The following DIP2C variants were observed in gnomAD, a reference collection of about 807,000 sequenced individuals.
DIP2C encodes disco-interacting protein 2 homolog C.
DIP2C carries 33 observed loss-of-function variants against 192.4 expected under a neutral mutation model. The ratio of observed to expected loss-of-function variants is 0.17; its 90% CI spans 0.13 to 0.23. The LOEUF (loss-of-function observed/expected upper bound fraction) is 0.23, where lower values mean the gene tolerates loss of function less well. Among genes scored for constraint, DIP2C ranks in the 10% least tolerant of loss-of-function variants. DIP2C has a pLI of 1.00. For synonymous variants in DIP2C, 979 were observed against 864.1 expected, an observed-to-expected ratio of 1.13 and a Z score of -2.33; for missense variants, 1,537 against 2,110.1, an observed-to-expected ratio of 0.73 and a Z score of 5.32.
chr10:417,319 A>C (rs78950727), intron 6 of DIP2C, among the ~76,000 whole-genome samples: 1,636 of 152,322 alleles, frequency 0.011, 19 homozygotes, highest in African/African-American at 0.028. Flanking sequence ...ACGCCGAGAC[A>C]GCACAACACA....
rs184034904 is a variant in DIP2C at position 408,163 on chromosome 10, G to A, written c.1149+763C>T. Among the ~76,000 whole-genome samples the A allele has an allele frequency of 1.2e-3, 180 of 152,238 alleles. 1 individual carries two copies. The highest frequency in any genetic ancestry group is 2.4e-3 in the Admixed American group (36 of 15,290). On this transcript the variant is annotated intron_variant, in intron 9 of 36. Transcript: ENST00000280886. ...CATCCGCCTTCATTCTCTTGCAGGT[G>A]GATGTCCAGTTTTCCCAGCACTGTG...
At chr10:367,909 C>G (rs1399977362) in intron 18 of DIP2C, among the ~76,000 whole-genome samples, 2 of 151,878 alleles carry the variant, frequency 1.3e-5, no homozygotes, top group African/African-American at 4.9e-5. Flanking sequence ...CCCCAGGTGC[C>G]TCCGACGGGG....
At chr10:296,592 T>C (rs1052288973) in intron 32 of DIP2C, among the ~76,000 whole-genome samples, 2 of 152,154 alleles carry the variant, frequency 1.3e-5, no homozygotes, top group African/African-American at 4.8e-5. Flanking sequence ...TCCACACGTA[T>C]GTTCATTGCG....
At chr10:371,144 ACCATCCCCTCACCCTGCACCATC>A in intron 17 of DIP2C, among the ~76,000 whole-genome samples, 1 of 51,348 alleles carries the variant, frequency 1.9e-5, no homozygotes, top group Non-Finnish European at 6.7e-5. Context: ...TGGTCCTGCC[ACCATCCCCTCACCCTGCACCATC>A]CCCTCACCCT....
intron 1 of DIP2C, among the ~76,000 whole-genome samples, chr10:546,630 G>A (rs369767701): frequency 6.6e-6 from 1 of 152,346 alleles, no homozygotes; most frequent in African/African-American, 2.4e-5. Context: ...TGTCTGCAAC[G>A]CAGAGTCTGG....
chr10:456,476 T>C (rs1165152539), intron 3 of DIP2C, among the ~76,000 whole-genome samples: 2 of 151,280 alleles, frequency 1.3e-5, no homozygotes, highest in Non-Finnish European at 2.9e-5. Context: ...CTGTGAGGAG[T>C]AAATGAGTGA....
chr10:351,526 A>G (rs189592533), intron 24 of DIP2C, among the ~76,000 whole-genome samples: 12 of 152,270 alleles, frequency 7.9e-5, no homozygotes, highest in Admixed American at 7.2e-4. Context: ...CATGGAGAGG[A>G]TTAGCTTACA....
At chr10:385,800 G>A (rs1962844304) in intron 14 of DIP2C, among the ~76,000 whole-genome samples, 1 of 152,076 alleles carries the variant, frequency 6.6e-6, no homozygotes, top group South Asian at 2.1e-4. Flanking sequence ...ACGGGGTGGG[G>A]GCAGACGAGA....
At chr10:301,584 A>T (rs1956050396) in intron 32 of DIP2C, among the ~76,000 whole-genome samples, 2 of 152,246 alleles carry the variant, frequency 1.3e-5, no homozygotes, top group South Asian at 2.1e-4. Context: ...TAAAAATATT[A>T]ATGAGTTTAA....
At chr10:341,691 A>G (rs941899224) in intron 28 of DIP2C, among the ~76,000 whole-genome samples, 1 of 152,246 alleles carries the variant, frequency 6.6e-6, no homozygotes, top group Non-Finnish European at 1.5e-5. Flanking sequence ...CTGACACCCA[A>G]AGACATCTTT....
chr10:421,607 T>G (rs1252687701), intron 5 of DIP2C, among the ~76,000 whole-genome samples: 1 of 152,260 alleles, frequency 6.6e-6, no homozygotes, highest in East Asian at 1.9e-4. Flanking sequence ...TAAACCAGTG[T>G]ACATGTTCCT....
intron 1 of DIP2C, among the ~76,000 whole-genome samples, chr10:673,372 G>A (rs560313237): frequency 1.5e-4 from 23 of 152,240 alleles, no homozygotes; most frequent in Admixed American, 1.2e-3. Context: ...TCAGAAGGAC[G>A]AAAAAGGATC....
intron 3 of DIP2C, among the ~76,000 whole-genome samples, chr10:451,810 G>A (rs1022260700): frequency 6.6e-6 from 1 of 152,188 alleles, no homozygotes; most frequent in African/African-American, 2.4e-5. Context: ...GCAATCATGT[G>A]GGGAAGGATG....
intron 4 of DIP2C, among the ~76,000 whole-genome samples, chr10:437,104 C>T (rs1335156981): frequency 1.7e-5 from 2 of 120,996 alleles, no homozygotes; most frequent in Non-Finnish European, 3.3e-5. Flanking sequence ...ACCTCCTGGA[C>T]ATGGTAGGGT....
chr10:411,325 G>A (rs1168116790), intron 8 of DIP2C, among the ~76,000 whole-genome samples: 3 of 152,234 alleles, frequency 2.0e-5, no homozygotes, highest in African/African-American at 4.8e-5. Flanking sequence ...GAGGCAGGAC[G>A]TGAAGGGAAA....
chr10:281,375 GTT>G, intron 35 of DIP2C, 52 bp from the exon 36 acceptor site: 4 of 1,462,542 alleles, frequency 2.7e-6, no homozygotes, highest in Non-Finnish European at 3.7e-6. Flanking sequence ...CGCTCAAGCC[GTT>G]TCCTTCTTTT....
chr10:279,475 G>A (rs1032506917), intron 36 of DIP2C, among the ~76,000 whole-genome samples: 1 of 152,228 alleles, frequency 6.6e-6, no homozygotes, highest in Admixed American at 6.5e-5. Context: ...TGGTGCCAGT[G>A]ACTCTCAGAG....
chr10:553,083 A>G (rs1428717004), intron 1 of DIP2C, among the ~76,000 whole-genome samples: 1 of 152,352 alleles, frequency 6.6e-6, no homozygotes, highest in Non-Finnish European at 1.5e-5. Context: ...TTTCACCAAG[A>G]GGCTCGTGCC....
At chr10:679,589 CACA>C (rs1831053002) in intron 1 of DIP2C, among the ~76,000 whole-genome samples, 1 of 134,428 alleles carries the variant, frequency 7.4e-6, no homozygotes. Context: ...CCATGCTCCC[CACA>C]CCTGTGCTCC....
Sources: allele counts gnomAD v4.1 joint callset (sites outside exome capture counted in the v4.1 genomes callset), GRCh38; gene constraint gnomAD v4.1.1; transcripts MANE v1.5; gene names NCBI Gene and HGNC (gene_info 2026-07-23, HGNC 2026-07-21).